Variants in FSTL4 observed in about 807,000 individuals in gnomAD.
FSTL4 encodes the protein follistatin like 4, also known as follistatin-related protein 4.
Under a neutral mutation model 78.2 loss-of-function variants are expected in FSTL4, and 28 were observed. The ratio of observed to expected loss-of-function variants is 0.36; its 90% CI spans 0.27 to 0.49. The LOEUF is 0.49. Ranked by LOEUF, FSTL4 falls within the 20% of genes least tolerant of loss-of-function variation. The pLI is 0.98. For synonymous variants in FSTL4, 422 were observed against 440.5 expected, an observed-to-expected ratio of 0.96 and a Z score of 0.53; for missense variants, 922 against 1,084.9, an observed-to-expected ratio of 0.85 and a Z score of 2.11.
At chr5:133,813,853 G>T in the FSTL4 span, among the ~76,000 whole-genome samples, 1 of 152,186 alleles carries the variant, frequency 6.6e-6, no homozygotes, top group African/African-American at 2.4e-5. Flanking sequence ...GACTTTAATA[G>T]GGATCTGCTT....
At chr5:133,402,012 G>C (rs1405184022) in intron 3 of FSTL4, among the ~76,000 whole-genome samples, 1 of 152,076 alleles carries the variant, frequency 6.6e-6, no homozygotes, top group East Asian at 1.9e-4. Flanking sequence ...GATGGGGGTG[G>C]GGGTAGCCGA....
the FSTL4 span, among the ~76,000 whole-genome samples, chr5:133,676,341 G>C: frequency 1.3e-5 from 2 of 152,184 alleles, no homozygotes; most frequent in Admixed American, 6.5e-5. Flanking sequence ...CTTTCAGATA[G>C]ATGGAGAAAA....
chr5:133,716,059 A>G, the FSTL4 span, among the ~76,000 whole-genome samples: 1 of 152,238 alleles, frequency 6.6e-6, no homozygotes, highest in East Asian at 1.9e-4. Context: ...GTGGTCATCG[A>G]TAAGCAAGTA....
At chr5:133,347,795 C>T (rs1754728643) in intron 4 of FSTL4, among the ~76,000 whole-genome samples, 2 of 152,222 alleles carry the variant, frequency 1.3e-5, no homozygotes, top group Non-Finnish European at 1.5e-5. Flanking sequence ...TAATGGCCCA[C>T]TCTGAGCCAG....
rs919592208 is a variant in FSTL4, at chr5:133,611,743, G to C, written c.-11+582C>G. On this transcript the variant is annotated intron_variant, in intron 1 of 15. Coordinates refer to ENST00000265342, the MANE Select transcript of FSTL4 (RefSeq NM_015082.2). This position sits in a 1 kb window ranked among gnomAD's most constrained non-coding sequence, Gnocchi z 4.9. ...CCCAGCCTCACATGCGGCGGACCCC[G>C]GGGAAGCCAGGGCCAGGCGAAGCGC... 6.6e-6 allele frequency among the ~76,000 whole-genome samples: 1 copy of C among 152,154 alleles called. No homozygotes were observed. The highest frequency in any genetic ancestry group is 6.5e-5 in the Admixed American group (1 of 15,292).
chr5:133,831,996 C>T, the FSTL4 span, among the ~76,000 whole-genome samples: 1 of 152,200 alleles, frequency 6.6e-6, no homozygotes, highest in African/African-American at 2.4e-5. Flanking sequence ...CAAGTGTCCT[C>T]ATCTCATGAG....
the FSTL4 span, among the ~76,000 whole-genome samples, chr5:133,824,343 G>A: frequency 2.0e-5 from 3 of 152,178 alleles, no homozygotes; most frequent in Non-Finnish European, 4.4e-5. Context: ...CAGAACTCAG[G>A]GAAACGCTTT....
chr5:133,837,823 T>G, the FSTL4 span, among the ~76,000 whole-genome samples: 1 of 152,100 alleles, frequency 6.6e-6, no homozygotes, highest in African/African-American at 2.4e-5. Context: ...GTCAGCAAAT[T>G]TGGGGTAAAA....
chr5:133,539,566 T>TGCTG lies in FSTL4; in HGVS notation c.160+27616_160+27619dup, dbSNP rs1759425727. Among the ~76,000 whole-genome samples the TGCTG allele has an allele frequency of 2.0e-5, 3 of 152,216 alleles. No individual in the cohort carries two copies. In the South Asian group the frequency reaches 6.2e-4, roughly 32 times the overall value. The stretch of plus-strand genomic sequence containing the variant: ...GAGAAAATGTGAGGCACACATCAGG[T>TGCTG]GCTGATGCATAGCAGTTCTGCAATT... On this transcript the variant is annotated intron_variant, in intron 3 of 15. Transcript: ENST00000265342.
At chr5:133,572,157 GTGGT>G (rs1296521306) in intron 2 of FSTL4, among the ~76,000 whole-genome samples, 1 of 152,220 alleles carries the variant, frequency 6.6e-6, no homozygotes, top group Non-Finnish European at 1.5e-5. Flanking sequence ...CAAAGGGTGG[GTGGT>G]AGAGATGGGG....
At chr5:133,454,187 A>T (rs1251459136) in intron 3 of FSTL4, among the ~76,000 whole-genome samples, 1 of 152,200 alleles carries the variant, frequency 6.6e-6, no homozygotes, top group African/African-American at 2.4e-5. Flanking sequence ...AAAAACAACA[A>T]CAACTAGGAC....
At chr5:133,266,930 G>T (rs1449205614) in intron 6 of FSTL4, among the ~76,000 whole-genome samples, 2 of 152,186 alleles carry the variant, frequency 1.3e-5, no homozygotes, top group African/African-American at 4.8e-5. Flanking sequence ...TCTCCCCCAT[G>T]GGAACCAGAA....
chr5:133,301,481 A>G (rs960174658), intron 6 of FSTL4, among the ~76,000 whole-genome samples: 4 of 152,058 alleles, frequency 2.6e-5, no homozygotes, highest in Admixed American at 1.3e-4. Flanking sequence ...TGAAGGGGAT[A>G]AGGAAGATGA....
the FSTL4 span, among the ~76,000 whole-genome samples, chr5:133,621,995 T>A: frequency 0.039 from 5,988 of 152,240 alleles, 198 homozygotes; most frequent in African/African-American, 0.094. Context: ...GGCAGTCCCA[T>A]CACAAGAATC....
At chr5:133,223,377 GA>G (rs1001487471) in intron 11 of FSTL4, among the ~76,000 whole-genome samples, 2 of 152,142 alleles carry the variant, frequency 1.3e-5, no homozygotes, top group Admixed American at 6.5e-5. Flanking sequence ...AGTTCTTGAG[GA>G]AAAAATGAGA....
intron 7 of FSTL4, 104 bp from the exon 8 acceptor site, chr5:133,233,641 T>C: frequency 7.1e-7 from 1 of 1,399,744 alleles, no homozygotes; most frequent in Non-Finnish European, 9.9e-7. Flanking sequence ...GGGAGAGAGT[T>C]CCTTTCTGCC....
the FSTL4 span, among the ~76,000 whole-genome samples, chr5:133,752,183 C>T: frequency 1.3e-5 from 2 of 152,198 alleles, no homozygotes; most frequent in Admixed American, 1.3e-4. Context: ...GGACTGGATC[C>T]TTGGTTGTGG....
chr5:133,687,317 G>A, the FSTL4 span, among the ~76,000 whole-genome samples: 1 of 152,208 alleles, frequency 6.6e-6, no homozygotes, highest in African/African-American at 2.4e-5. Context: ...GCGGCAGGGA[G>A]GCCAGGTTGG....
intron 3 of FSTL4, among the ~76,000 whole-genome samples, chr5:133,511,690 C>T (rs910629886): frequency 5.3e-5 from 8 of 152,060 alleles, no homozygotes; most frequent in African/African-American, 1.7e-4. Context: ...AAAAGTGAGA[C>T]TTGGAGGAAG....
Sources: allele counts gnomAD v4.1 joint callset (sites outside exome capture counted in the v4.1 genomes callset), GRCh38; gene constraint gnomAD v4.1.1; non-coding constraint Gnocchi (gnomAD v3.1); transcripts MANE v1.5; gene names NCBI Gene and HGNC (gene_info 2026-07-23, HGNC 2026-07-21).